Variants in NCKAP1L observed in about 807,000 individuals in gnomAD.
The protein encoded by NCKAP1L is nck-associated protein 1-like.
NCKAP1L carries 53 observed loss-of-function variants against 139.2 expected under a neutral mutation model. The observed-to-expected ratio is 0.38, with a 90% CI of 0.31 to 0.48. The LOEUF is 0.48. Ranked by LOEUF, NCKAP1L falls within the 20% of genes least tolerant of loss-of-function variation. NCKAP1L has a pLI of 0.98. For missense variants in NCKAP1L, 1,151 were observed against 1,381.9 expected, an observed-to-expected ratio of 0.83 and a Z score of 2.65; for synonymous variants, 468 against 499.7, an observed-to-expected ratio of 0.94 and a Z score of 0.85.
At chr12:54,498,224 TTTATTA>T (rs1956766315) in intron 1 of NCKAP1L, among the ~76,000 whole-genome samples, 1 of 152,128 alleles carries the variant, frequency 6.6e-6, no homozygotes, top group African/African-American at 2.4e-5. Flanking sequence ...CCTTCTGGGT[TTTATTA>T]TTTATTGTTG....
At chr12:54,523,784 G>A in intron 19 of NCKAP1L, 41 bp from the exon 20 acceptor site, 1 of 1,593,224 alleles carries the variant, frequency 6.3e-7, no homozygotes, top group Non-Finnish European at 8.5e-7. Context: ...ACATTAGCAG[G>A]CAGTGCCAGA....
chr12:54,523,307 A>G, intron 18 of NCKAP1L, 87 bp from the exon 19 acceptor site: 7 of 1,449,100 alleles, frequency 4.8e-6, no homozygotes, highest in Middle Eastern at 1.8e-4. Context: ...ATAACAGACA[A>G]CAATGGACAA....
chr12:54,544,333 T>C lies in NCKAP1L; in HGVS notation c.*1648T>C, dbSNP rs549527725. On this transcript the variant is annotated 3_prime_UTR_variant, in exon 31 of 31. Coordinates refer to ENST00000293373, the MANE Select transcript of NCKAP1L (RefSeq NM_005337.5). ...TGAGGGGATAGAGATCCCTCCTCCA[T>C]CTGCATCTGCATATAGAACTGCTTA... 1 of 152,298 alleles carries C rather than the reference T, an allele frequency of 6.6e-6. No homozygotes were observed. Among genetic ancestry groups the C allele is most frequent in the East Asian group, 1.9e-4 (1 of 5,178 alleles). The allele number at this position is 152,298 out of a possible 1,614,324, so 9.4% of individuals were successfully genotyped here. A position where few individuals can be genotyped will look rare whatever the true frequency, so the allele number is the denominator to read the frequency against.
chr12:54,513,716 G>T (rs1211955771), intron 9 of NCKAP1L, among the ~76,000 whole-genome samples: 2 of 152,288 alleles, frequency 1.3e-5, no homozygotes, highest in East Asian at 3.9e-4. Flanking sequence ...GAGTGGTGAA[G>T]TTGAAACCTG....
chr12:54,524,965 AAG>A (rs1394105117), intron 20 of NCKAP1L, among the ~76,000 whole-genome samples: 7 of 152,178 alleles, frequency 4.6e-5, no homozygotes, highest in South Asian at 2.1e-4. Flanking sequence ...CTACTGGGGA[AAG>A]AGCATTCTAG....
rs1957186692 is a variant in NCKAP1L at position 54,544,874 on chromosome 12, C to T, written c.*2189C>T. ...ACTAGCCGGGCGTGGTGGTGCATGC[C>T]TGTAGTCCCACTACTCAGGAGGCTG... is the stretch of plus-strand genomic sequence containing the variant. On this transcript the variant is annotated 3_prime_UTR_variant, in exon 31 of 31. Transcript: ENST00000293373. 1 of 152,266 alleles carries T rather than the reference C, an allele frequency of 6.6e-6. No individual in the cohort carries two copies. The highest frequency in any genetic ancestry group is 6.5e-5 in the Admixed American group (1 of 15,284). 9.4% of individuals were successfully genotyped at this position (152,266 alleles called of 1,614,324 possible).
chr12:54,528,148 T>C, intron 21 of NCKAP1L, 99 bp from the exon 22 acceptor site: 2 of 1,431,254 alleles, frequency 1.4e-6, no homozygotes. Context: ...CCCAGTCTTT[T>C]GCAGAGTTTT....
At chr12:54,522,186 G>A (rs1278276298) in intron 18 of NCKAP1L, among the ~76,000 whole-genome samples, 1 of 152,208 alleles carries the variant, frequency 6.6e-6, no homozygotes, top group African/African-American at 2.4e-5. Context: ...AGAAAAGGGA[G>A]TATAAATACA....
At chr12:54,500,740 T>C (rs1956791418) in intron 3 of NCKAP1L, 115 bp downstream of exon 3, 2 of 711,046 alleles carry the variant, frequency 2.8e-6, no homozygotes, top group African/African-American at 1.8e-5. Context: ...AGAGATGTAC[T>C]AATATGGAAG....
chr12:54,531,873 G>A (rs186975979), intron 25 of NCKAP1L, 48 bp downstream of exon 25: 19 of 1,436,376 alleles, frequency 1.3e-5, no homozygotes, highest in Non-Finnish European at 1.9e-5. Context: ...ATACCTCTGT[G>A]GGTAGGGTTT....
chr12:54,523,665 C>A, intron 19 of NCKAP1L, 126 bp downstream of exon 19: 3 of 1,431,216 alleles, frequency 2.1e-6, no homozygotes, highest in Admixed American at 2.4e-5. Context: ...CATGGAAAAG[C>A]ACTTAAATGC....
intron 1 of NCKAP1L, 56 bp from the exon 2 acceptor site, chr12:54,499,299 G>T: frequency 1.1e-6 from 1 of 948,396 alleles, no homozygotes; most frequent in Non-Finnish European, 1.7e-6. Flanking sequence ...GCAAGAAGAG[G>T]TATGTTTCTG....
chr12:54,520,114 C>G (rs1050304332), intron 16 of NCKAP1L, among the ~76,000 whole-genome samples: 1 of 152,146 alleles, frequency 6.6e-6, no homozygotes, highest in Non-Finnish European at 1.5e-5. Context: ...CTCATTCATT[C>G]AACAAAACAC....
Position 54,519,337 on chromosome 12 carries a change from G to T in NCKAP1L, c.1625+5G>T. 6.5e-7 allele frequency: 1 copy of T among 1,537,006 alleles called. No homozygotes were observed. Among genetic ancestry groups the T allele is most frequent in the South Asian group, 1.3e-5 (1 of 75,848 alleles). ...TTCTGATCTGTCTACTTTCTGGTAT[G>T]TCTTGGTTCAGAGCTCTCTTTAAAA... On this transcript the variant is annotated splice_donor_5th_base_variant and intron_variant, in intron 16 of 30. Transcript: ENST00000293373.
intron 13 of NCKAP1L, among the ~76,000 whole-genome samples, chr12:54,518,366 C>T (rs995598644): frequency 5.9e-5 from 9 of 151,930 alleles, no homozygotes; most frequent in African/African-American, 1.5e-4. Flanking sequence ...CCAATCTGCC[C>T]CTTCATATTT....
chr12:54,547,124 A>G lies in NCKAP1L; in HGVS notation c.*4439A>G. 1 of 152,402 alleles carries G rather than the reference A, an allele frequency of 6.6e-6. No individual in the cohort carries two copies. Among genetic ancestry groups the G allele is most frequent in the Non-Finnish European group, 1.5e-5 (1 of 68,074 alleles). The allele number at this position is 152,402 out of a possible 1,614,324, so 9.4% of individuals were successfully genotyped here. The stretch of plus-strand genomic sequence containing the variant: ...GGGGATGAGGACAAGAGGAAAAGAC[A>G]GGGAGAGAATAGTTGTCTTTTGAGC... On this transcript the variant is annotated 3_prime_UTR_variant, in exon 31 of 31. Coordinates refer to ENST00000293373, the MANE Select transcript of NCKAP1L (RefSeq NM_005337.5).
intron 30 of NCKAP1L, 98 bp from the exon 31 acceptor site, chr12:54,542,477 C>T: frequency 1.2e-6 from 1 of 867,884 alleles, no homozygotes; most frequent in South Asian, 1.5e-5. Context: ...TTGTAACTCT[C>T]AGGGCCTCAG....
rs1956932267 is a variant in NCKAP1L, at chr12:54,516,449, T to TG, written c.998+154_998+155insG. On this transcript the variant is annotated intron_variant, in intron 10 of 30. Coordinates refer to ENST00000293373, the MANE Select transcript of NCKAP1L (RefSeq NM_005337.5). ...CCATAAATTCTTTTTTCTTTTCTTT[T>TG]CTTTTTTTTTTTTTTGAGACAGAGT... 2.4e-3 allele frequency among the ~76,000 whole-genome samples: 347 copies of TG among 145,684 alleles called. 2 individuals are homozygous for TG. Among genetic ancestry groups the TG allele is most frequent in the Admixed American group, 0.015 (222 of 14,910 alleles).
intron 16 of NCKAP1L, among the ~76,000 whole-genome samples, chr12:54,519,704 G>A (rs901878203): frequency 1.3e-5 from 2 of 152,020 alleles, no homozygotes; most frequent in Non-Finnish European, 1.5e-5. Flanking sequence ...ACTTGTGTCA[G>A]CTTTTTACCA....
Sources: gnomAD v4.1 joint callset for allele counts (sites outside exome capture counted in the v4.1 genomes callset) on GRCh38, gnomAD v4.1.1 for gene constraint, MANE v1.5 for transcripts, NCBI Gene and HGNC (gene_info 2026-07-23, HGNC 2026-07-21) for gene names.